The following KAT14 variants were observed in gnomAD, a reference collection of about 807,000 sequenced individuals.
KAT14 encodes lysine acetyltransferase 14, also known as cysteine-rich protein 2-binding protein.
KAT14 carries 66 observed loss-of-function variants against 78.4 expected under a neutral mutation model. That is an observed-to-expected ratio of 0.84 (90% CI 0.69 to 1.03). The LOEUF (loss-of-function observed/expected upper bound fraction) is 1.03. Among genes scored for constraint, KAT14 ranks in the 50% least tolerant of loss-of-function variants. The probability of loss-of-function intolerance (pLI) is 0.00; values close to 1 mark genes in which losing one functional copy is unlikely to be tolerated. For missense variants in KAT14, 870 were observed against 972.5 expected, an observed-to-expected ratio of 0.89 and a Z score of 1.40; for synonymous variants, 344 against 359.4, an observed-to-expected ratio of 0.96 and a Z score of 0.48.
chr20:18,138,234 G>A, intron 1 of KAT14, 183 bp downstream of exon 1: 2 of 1,248,230 alleles, frequency 1.6e-6, no homozygotes, highest in Non-Finnish European at 2.0e-6. Flanking sequence ...TCCGGGCGCT[G>A]CAGCTCCCGG....
At chr20:18,178,526 AC>A (rs1176891618) in intron 7 of KAT14, among the ~76,000 whole-genome samples, 2 of 152,210 alleles carry the variant, frequency 1.3e-5, no homozygotes, top group East Asian at 3.8e-4. Flanking sequence ...AGCCACTCTT[AC>A]ATGGTGGTGG....
chr20:18,144,109 A>G (rs899102302), intron 2 of KAT14, among the ~76,000 whole-genome samples: 4 of 152,274 alleles, frequency 2.6e-5, no homozygotes, highest in African/African-American at 4.8e-5. Context: ...AAATACATAT[A>G]TAACTGTGAA....
intron 7 of KAT14, among the ~76,000 whole-genome samples, chr20:18,168,375 A>G (rs2038731848): frequency 6.6e-6 from 1 of 152,168 alleles, no homozygotes; most frequent in Non-Finnish European, 1.5e-5. Flanking sequence ...TAAAAATAAA[A>G]AAATTAGCCA....
intron 7 of KAT14, among the ~76,000 whole-genome samples, chr20:18,180,748 C>A (rs1018909266): frequency 6.6e-6 from 1 of 152,028 alleles, no homozygotes; most frequent in East Asian, 1.9e-4. Context: ...AAGCAGAAAC[C>A]CCTGATTAAA....
At chr20:18,180,326 C>T (rs1028609334) in intron 7 of KAT14, among the ~76,000 whole-genome samples, 1 of 152,192 alleles carries the variant, frequency 6.6e-6, no homozygotes, top group Admixed American at 6.5e-5. Context: ...CTCCAATTCC[C>T]AACAAATTCC....
At chr20:18,177,729 C>T (rs926425268) in intron 7 of KAT14, among the ~76,000 whole-genome samples, 1 of 152,160 alleles carries the variant, frequency 6.6e-6, no homozygotes, top group Non-Finnish European at 1.5e-5. Flanking sequence ...AAACATCATC[C>T]AACCCTTCGC....
intron 4 of KAT14, among the ~76,000 whole-genome samples, chr20:18,154,617 C>T (rs1314820701): frequency 1.9e-5 from 1 of 52,478 alleles, no homozygotes; most frequent in African/African-American, 8.2e-5. Context: ...TTCCTATCTG[C>T]CACCTTCCCA....
chr20:18,143,615 A>ATTT (rs201858697), intron 2 of KAT14, among the ~76,000 whole-genome samples: 4,651 of 101,756 alleles, frequency 0.046, 546 homozygotes, highest in East Asian at 0.1. Flanking sequence ...CACCTGGCTA[A>ATTT]TTTTTTTTTT....
chr20:18,177,540 A>C (rs2039091253), intron 7 of KAT14, among the ~76,000 whole-genome samples: 1 of 152,208 alleles, frequency 6.6e-6, no homozygotes, highest in Admixed American at 6.5e-5. Context: ...CACACTTTTC[A>C]GTTTTACCTT....
intron 7 of KAT14, among the ~76,000 whole-genome samples, chr20:18,181,158 A>T (rs1303298238): frequency 6.6e-6 from 1 of 152,210 alleles, no homozygotes; most frequent in Non-Finnish European, 1.5e-5. Context: ...AAAAATTTTT[A>T]AATGACTTCA....
chr20:18,184,910 A>G (rs1424899499), intron 10 of KAT14, 118 bp downstream of exon 10: 2 of 1,114,140 alleles, frequency 1.8e-6, no homozygotes, highest in Non-Finnish European at 2.4e-6. Context: ...GTTTCCTTGT[A>G]AACCAAGTGA....
chr20:18,149,921 G>C (rs1217996393), intron 3 of KAT14, among the ~76,000 whole-genome samples: 2 of 152,176 alleles, frequency 1.3e-5, no homozygotes, highest in Non-Finnish European at 2.9e-5. Flanking sequence ...TCACATTCCA[G>C]CTTGGGCATC....
chr20:18,176,300 C>A (rs867499709), intron 7 of KAT14, among the ~76,000 whole-genome samples: 1,728 of 111,334 alleles, frequency 0.016, no homozygotes, highest in Middle Eastern at 0.025. Context: ...GACTTCGTCT[C>A]AAAAAAAAAA....
Position 18,187,704 on chromosome 20 carries a change from A to T in KAT14, c.*245A>T. 1 of 511,916 alleles carries T rather than the reference A, an allele frequency of 2.0e-6. No individual in the cohort carries two copies. Among genetic ancestry groups the T allele is most frequent in the Non-Finnish European group, 3.3e-6 (1 of 299,554 alleles). The allele number at this position is 511,916 out of a possible 1,614,324, so 31.7% of individuals were successfully genotyped here. On this transcript the variant is annotated 3_prime_UTR_variant, in exon 11 of 11. Transcript: ENST00000688188. ...AGCATCCCAGACTCCACAGTTATTT[A>T]TGAATGATGTCGTGATTCTCCCTCC... is the stretch of plus-strand genomic sequence containing the variant.
rs773533239 is a variant in KAT14, at chr20:18,162,811, C to A, written c.1534C>A (p.Gln512Lys). The A allele has an allele frequency of 6.2e-7, 1 of 1,614,136 alleles. No individual in the cohort carries two copies. Among genetic ancestry groups the A allele is most frequent in the South Asian group, 1.1e-5 (1 of 91,076 alleles). The change falls in exon 7 of 11, where the codon CAA becomes AAA. Residue 512 changes from glutamine (Q) to lysine (K), a missense_variant. Transcript: ENST00000688188. ...DRGLPLFDLD[Q>K]VVNAALLLVD... The stretch of plus-strand genomic sequence containing the variant: ...GGGATTACCACTTTTTGACTTGGAT[C>A]AAGTTGTTAATGCTGCTCTTTTGTT...
At chr20:18,143,624 TTTATTTTA>T (rs897698109) in intron 2 of KAT14, among the ~76,000 whole-genome samples, 7 of 96,708 alleles carry the variant, frequency 7.2e-5, no homozygotes, top group African/African-American at 2.1e-4. Context: ...AATTTTTTTT[TTTATTTTA>T]TTTTTTTTTT....
At chr20:18,139,054 C>T (rs965389317) in intron 1 of KAT14, among the ~76,000 whole-genome samples, 1 of 152,182 alleles carries the variant, frequency 6.6e-6, no homozygotes, top group South Asian at 2.1e-4. Context: ...GACCTTTGGA[C>T]TGTGCTATGT....
At chr20:18,140,795 G>A (rs2037507753) in intron 1 of KAT14, among the ~76,000 whole-genome samples, 1 of 141,100 alleles carries the variant, frequency 7.1e-6, no homozygotes, top group Admixed American at 7.2e-5. Flanking sequence ...CTCCAGCCTG[G>A]GTGACAGAAC....
chr20:18,184,758 G>T lies in KAT14; in HGVS notation c.2138G>T (p.Gly713Val). 1 of 1,609,472 alleles carries T rather than the reference G, an allele frequency of 6.2e-7. No individual in the cohort carries two copies. Among genetic ancestry groups the T allele is most frequent in the Non-Finnish European group, 8.5e-7 (1 of 1,178,730 alleles). ...LFVHPEWRRAGIATFMIYHLI... is the reference protein window; with the variant it reads ...LFVHPEWRRAVIATFMIYHLI... ...GTCCACCCTGAATGGAGAAGAGCAG[G>T]GATTGCAACTTTCATGATCTATCAT... Residue 713 changes from glycine to valine, a missense_variant, in exon 10 of 11, where the codon GGG (glycine) becomes GTG (valine). By Grantham distance (109) the Gly-to-Val change is moderately radical (BLOSUM62 -3). Coordinates refer to ENST00000688188, the MANE Select transcript of KAT14 (RefSeq NM_001392073.1).
Sources: allele counts gnomAD v4.1 joint callset (sites outside exome capture counted in the v4.1 genomes callset), GRCh38; gene constraint gnomAD v4.1.1; transcripts MANE v1.5; gene names NCBI Gene and HGNC (gene_info 2026-07-23, HGNC 2026-07-21).